The following ZDHHC14 variants were observed in gnomAD, a reference collection of about 807,000 sequenced individuals.
The protein encoded by ZDHHC14 is palmitoyltransferase ZDHHC14.
Under a neutral mutation model 47.7 loss-of-function variants are expected in ZDHHC14, and 16 were observed. The observed-to-expected ratio is 0.34, with a 90% CI of 0.23 to 0.51. The LOEUF is 0.51. Among genes scored for constraint, ZDHHC14 ranks in the 20% least tolerant of loss-of-function variants. The pLI, the probability that ZDHHC14 is intolerant of heterozygous loss-of-function variation, is 0.97. For missense variants in ZDHHC14, 515 were observed against 662.5 expected, an observed-to-expected ratio of 0.78 and a Z score of 2.44; for synonymous variants, 293 against 278.9, an observed-to-expected ratio of 1.05 and a Z score of -0.50.
intron 5 of ZDHHC14, among the ~76,000 whole-genome samples, chr6:157,641,779 C>T (rs1028626144): frequency 3.9e-5 from 6 of 152,148 alleles, no homozygotes; most frequent in African/African-American, 1.4e-4. Context: ...CTTAATCTTC[C>T]TCAAATACCT....
intron 1 of ZDHHC14, among the ~76,000 whole-genome samples, chr6:157,497,068 G>A (rs1780084425): frequency 6.6e-6 from 1 of 152,196 alleles, no homozygotes; most frequent in African/African-American, 2.4e-5. Flanking sequence ...TACAGTCCAG[G>A]GGTCTGCTCG....
intron 1 of ZDHHC14, among the ~76,000 whole-genome samples, chr6:157,440,857 T>A (rs1473708125): frequency 2.0e-5 from 3 of 152,234 alleles, no homozygotes; most frequent in African/African-American, 7.2e-5. Flanking sequence ...AGTTTTCTTT[T>A]GAGATGGTGA....
At chr6:157,573,939 A>T (rs1371721120) in intron 2 of ZDHHC14, among the ~76,000 whole-genome samples, 1 of 150,122 alleles carries the variant, frequency 6.7e-6, no homozygotes, top group African/African-American at 2.5e-5. Context: ...GGGGAACGCT[A>T]CTCTGTGAGA....
intron 2 of ZDHHC14, among the ~76,000 whole-genome samples, chr6:157,567,000 G>A (rs1354584123): frequency 6.6e-6 from 1 of 151,912 alleles, no homozygotes; most frequent in Non-Finnish European, 1.5e-5. Flanking sequence ...ACAAGCATGT[G>A]CCTCCATGCC....
intron 1 of ZDHHC14, among the ~76,000 whole-genome samples, chr6:157,505,954 C>T (rs762709627): frequency 6.6e-6 from 1 of 152,208 alleles, no homozygotes; most frequent in Non-Finnish European, 1.5e-5. Flanking sequence ...AGATCAGGGC[C>T]TGTTTGGCTC....
chr6:157,511,127 G>A (rs1046436095), intron 1 of ZDHHC14, among the ~76,000 whole-genome samples: 1 of 152,084 alleles, frequency 6.6e-6, no homozygotes, highest in African/African-American at 2.4e-5. Context: ...GGCTCTTTTT[G>A]TGTGGGTTCC....
chr6:157,645,613 G>C, intron 5 of ZDHHC14, 124 bp from the exon 6 acceptor site: 1 of 693,788 alleles, frequency 1.4e-6, no homozygotes, highest in African/African-American at 1.8e-5. Flanking sequence ...AGGCAAGGCC[G>C]GGTGAGAGAG....
At chr6:157,547,920 G>A (rs891554311) in intron 2 of ZDHHC14, among the ~76,000 whole-genome samples, 9 of 150,798 alleles carry the variant, frequency 6.0e-5, no homozygotes. Flanking sequence ...TTCATTTTCT[G>A]TTGTCAATAT....
At chr6:157,497,936 A>G (rs1331121620) in intron 1 of ZDHHC14, among the ~76,000 whole-genome samples, 2 of 152,224 alleles carry the variant, frequency 1.3e-5, no homozygotes, top group East Asian at 1.9e-4. Flanking sequence ...CTAATCAAAG[A>G]GACAATGCCA....
At chr6:157,389,926 A>G (rs978484143) in intron 1 of ZDHHC14, among the ~76,000 whole-genome samples, 10 of 152,176 alleles carry the variant, frequency 6.6e-5, no homozygotes, top group Non-Finnish European at 1.5e-4. Flanking sequence ...TATAAGATAT[A>G]AAACATATAT....
intron 1 of ZDHHC14, among the ~76,000 whole-genome samples, chr6:157,400,543 T>C (rs561378303): frequency 1.3e-5 from 2 of 152,346 alleles, no homozygotes; most frequent in African/African-American, 4.8e-5. Flanking sequence ...TATTCTACTC[T>C]ATTGTTTATT....
At chr6:157,415,020 T>C (rs1361921823) in intron 1 of ZDHHC14, among the ~76,000 whole-genome samples, 1 of 152,082 alleles carries the variant, frequency 6.6e-6, no homozygotes, top group Admixed American at 6.6e-5. Context: ...TTCAAGGACT[T>C]AATGGACCAC....
chr6:157,649,283 G>A (rs941400213), intron 7 of ZDHHC14, among the ~76,000 whole-genome samples: 16 of 152,352 alleles, frequency 1.1e-4, no homozygotes, highest in African/African-American at 3.4e-4. Flanking sequence ...AGGGGCTCCG[G>A]GGGAGGCTTT....
chr6:157,460,135 A>G (rs1032257795), intron 1 of ZDHHC14, among the ~76,000 whole-genome samples: 2 of 151,600 alleles, frequency 1.3e-5, no homozygotes, highest in Non-Finnish European at 2.9e-5. Context: ...CCCGGGAGGC[A>G]GAAGTTGCAG....
chr6:157,580,433 G>A (rs1028983357), intron 2 of ZDHHC14, among the ~76,000 whole-genome samples: 26 of 151,812 alleles, frequency 1.7e-4, no homozygotes, highest in African/African-American at 5.6e-4. Flanking sequence ...AAGAGTCCCT[G>A]CTCATTTTTT....
chr6:157,482,798 A>C (rs1435121477), intron 1 of ZDHHC14, among the ~76,000 whole-genome samples: 1 of 150,596 alleles, frequency 6.6e-6, no homozygotes, highest in East Asian at 2.0e-4. Context: ...GCTGGAGTAC[A>C]ATGGCATGAA....
intron 1 of ZDHHC14, among the ~76,000 whole-genome samples, chr6:157,390,424 G>A (rs1018121626): frequency 1.3e-5 from 2 of 152,046 alleles, no homozygotes; most frequent in African/African-American, 4.8e-5. Flanking sequence ...TCTTGGATCT[G>A]TGGATTGATA....
intron 1 of ZDHHC14, among the ~76,000 whole-genome samples, chr6:157,484,444 A>G: frequency 6.9e-6 from 1 of 145,538 alleles, no homozygotes; most frequent in African/African-American, 2.5e-5. Context: ...ATATATACAT[A>G]TATATGTATA....
chr6:157,545,473 G>A (rs915325121), intron 2 of ZDHHC14, among the ~76,000 whole-genome samples: 12 of 151,996 alleles, frequency 7.9e-5, no homozygotes, highest in African/African-American at 2.7e-4. Context: ...TCAGGAGATC[G>A]AGATCATCCT....
Sources: allele counts gnomAD v4.1 joint callset (sites outside exome capture counted in the v4.1 genomes callset), GRCh38; gene constraint gnomAD v4.1.1; transcripts MANE v1.5; gene names NCBI Gene and HGNC (gene_info 2026-07-23, HGNC 2026-07-21).